Variants in ZBTB46 observed in about 807,000 individuals in gnomAD.
ZBTB46 encodes the protein zinc finger and BTB domain-containing protein 46.
In ZBTB46, 8 loss-of-function variants were observed where a neutral mutation model predicts 44.1. The observed-to-expected ratio is 0.18, with a 90% CI of 0.11 to 0.33. The LOEUF is 0.33. Ranked by LOEUF, ZBTB46 falls within the 10% of genes least tolerant of loss-of-function variation. ZBTB46 has a pLI of 1.00. For synonymous variants in ZBTB46, 409 were observed against 382.3 expected (o/e 1.07, Z -0.81); for missense variants, 651 against 847.7 (o/e 0.77, Z 2.88).
At chr20:63,784,108 G>A (rs1041577723) in intron 2 of ZBTB46, among the ~76,000 whole-genome samples, 1 of 152,212 alleles carries the variant, frequency 6.6e-6, no homozygotes, top group Non-Finnish European at 1.5e-5. Flanking sequence ...GAGAGAAAGA[G>A]GGAACACCAG....
Position 63,752,220 on chromosome 20 carries a change from T to C in ZBTB46, c.1398+466A>G, listed in dbSNP as rs1244679424. 6.6e-6 allele frequency among the ~76,000 whole-genome samples: 1 copy of C among 152,194 alleles called. No individual in the cohort carries two copies. Among genetic ancestry groups the C allele is most frequent in the South Asian group, 2.1e-4 (1 of 4,816 alleles). On this transcript the variant is annotated intron_variant, in intron 4 of 4. Transcript: ENST00000245663. This position sits in a 1 kb window ranked among gnomAD's most constrained non-coding sequence, Gnocchi z 5.6. Reference sequence around the variant, plus strand: ...CTGTTCCCAGGCTGCCTTTTTCTATTATTTCCTCCCCAAGCAAATCCATCC... The same window carrying C: ...CTGTTCCCAGGCTGCCTTTTTCTATCATTTCCTCCCCAAGCAAATCCATCC...
At chr20:63,760,757 G>A (rs924324008) in intron 3 of ZBTB46, among the ~76,000 whole-genome samples, 5 of 137,550 alleles carry the variant, frequency 3.6e-5, no homozygotes, top group East Asian at 2.0e-4. Flanking sequence ...GCGCCAGGCC[G>A]AGTTATATCA....
intron 1 of ZBTB46, among the ~76,000 whole-genome samples, chr20:63,823,627 G>A (rs957263801): frequency 5.9e-5 from 9 of 152,046 alleles, no homozygotes; most frequent in Non-Finnish European, 1.3e-4. Flanking sequence ...CCTTAGCCCA[G>A]GTCGAGGCCG....
intron 4 of ZBTB46, among the ~76,000 whole-genome samples, chr20:63,751,225 G>A (rs1268698378): frequency 6.6e-6 from 1 of 151,528 alleles, no homozygotes; most frequent in Non-Finnish European, 1.5e-5. Context: ...ACAAGGCTGG[G>A]GCCCCGGCGG....
upstream of ZBTB46, among the ~76,000 whole-genome samples, chr20:63,832,641 T>G (rs2092858042): frequency 1.3e-5 from 2 of 152,094 alleles, no homozygotes; most frequent in Admixed American, 1.3e-4. The surrounding 1 kb of genome is among the most constrained non-coding windows in gnomAD (Gnocchi z 5.0). Flanking sequence ...GAAATGGCTG[T>G]GCGGACACCC....
intron 4 of ZBTB46, among the ~76,000 whole-genome samples, chr20:63,749,655 C>T (rs1350390835): frequency 6.6e-6 from 1 of 152,200 alleles, no homozygotes; most frequent in Non-Finnish European, 1.5e-5. Context: ...GTATTTTAAA[C>T]CAAGGACTTC....
At chr20:63,806,894 T>C (rs1024639089) in intron 1 of ZBTB46, among the ~76,000 whole-genome samples, 6 of 152,062 alleles carry the variant, frequency 3.9e-5, no homozygotes, top group Non-Finnish European at 7.4e-5. Context: ...GCCATTCTCC[T>C]GCCTCAGCCT....
At chr20:63,828,898 G>C (rs1407693396) in intron 1 of ZBTB46, among the ~76,000 whole-genome samples, 3 of 152,230 alleles carry the variant, frequency 2.0e-5, no homozygotes, top group Admixed American at 2.0e-4. Flanking sequence ...GGAGAACAGA[G>C]CACTGGAGCT....
At chr20:63,830,501 G>A (rs1389228966) in intron 1 of ZBTB46, among the ~76,000 whole-genome samples, 3 of 150,362 alleles carry the variant, frequency 2.0e-5, no homozygotes, top group Admixed American at 6.6e-5. Context: ...GGCGCCCGGC[G>A]TCCGGGGAGA....
chr20:63,796,662 C>T (rs543746702), intron 1 of ZBTB46, among the ~76,000 whole-genome samples: 2 of 151,440 alleles, frequency 1.3e-5, no homozygotes, highest in South Asian at 4.2e-4. Context: ...CCCATCTCTA[C>T]TAAAATACAA....
chr20:63,786,463 G>C (rs2092515165), intron 2 of ZBTB46, among the ~76,000 whole-genome samples: 1 of 152,132 alleles, frequency 6.6e-6, no homozygotes, highest in Non-Finnish European at 1.5e-5. Flanking sequence ...CTCAGCCCGA[G>C]GCTGAGTTAA....
chr20:63,815,416 A>G (rs1448578111), intron 1 of ZBTB46, among the ~76,000 whole-genome samples: 10 of 130,108 alleles, frequency 7.7e-5, no homozygotes, highest in African/African-American at 3.0e-5. Flanking sequence ...GCAAAGGTGC[A>G]GTGGGTGCAG....
At chr20:63,833,545 C>T (rs539521648), upstream of ZBTB46, among the ~76,000 whole-genome samples, 5 of 152,110 alleles carry the variant, frequency 3.3e-5, no homozygotes, top group African/African-American at 9.7e-5. Flanking sequence ...GAGCCAAGTT[C>T]GTGCCGCTGC....
intron 4 of ZBTB46, among the ~76,000 whole-genome samples, chr20:63,750,605 G>A (rs1226564190): frequency 6.6e-6 from 1 of 151,900 alleles, no homozygotes; most frequent in African/African-American, 2.4e-5. Flanking sequence ...TGAACCCCAG[G>A]ACAAAAATCC....
chr20:63,808,189 A>G (rs6011133), intron 1 of ZBTB46: 35,392 of 152,320 alleles, frequency 0.23, 4,449 homozygotes, highest in East Asian at 0.45. Flanking sequence ...GGATTTCACC[A>G]CCGGCCGCCT....
chr20:63,826,876 G>A (rs1244237711), intron 1 of ZBTB46, among the ~76,000 whole-genome samples: 1 of 152,192 alleles, frequency 6.6e-6, no homozygotes, highest in Non-Finnish European at 1.5e-5. Flanking sequence ...GCTCCCAAAA[G>A]CTGCCTCCTA....
intron 3 of ZBTB46, among the ~76,000 whole-genome samples, chr20:63,756,063 C>T (rs1015701165): frequency 5.3e-5 from 8 of 152,334 alleles, no homozygotes; most frequent in African/African-American, 1.7e-4. Flanking sequence ...TGCAGTCATT[C>T]GTGCCGGACT....
chr20:63,780,995 G>A (rs1374987494), intron 2 of ZBTB46, among the ~76,000 whole-genome samples: 1 of 149,694 alleles, frequency 6.7e-6, no homozygotes, highest in East Asian at 2.0e-4. Flanking sequence ...ACAAAAATTA[G>A]CTGGGCGCGG....
chr20:63,823,932 A>T (rs1251671083), intron 1 of ZBTB46, among the ~76,000 whole-genome samples: 1 of 147,978 alleles, frequency 6.8e-6, no homozygotes, highest in Non-Finnish European at 1.5e-5. Flanking sequence ...AGGAAATGTA[A>T]ACCGTTGAAT....
Sources: gnomAD v4.1 joint callset for allele counts (sites outside exome capture counted in the v4.1 genomes callset) on GRCh38, gnomAD v4.1.1 for gene constraint, Gnocchi (gnomAD v3.1) non-coding constraint, MANE v1.5 for transcripts, NCBI Gene and HGNC (gene_info 2026-07-23, HGNC 2026-07-21) for gene names.